KCNB2: variants seen among roughly 807,000 people sequenced by gnomAD.
KCNB2 encodes potassium voltage-gated channel subfamily B member 2, also known as delayed rectifier potassium channel protein.
A neutral mutation model predicts 61.5 loss-of-function variants in KCNB2; 15 were observed. The observed-to-expected ratio is 0.24, with a 90% CI of 0.16 to 0.38. The LOEUF (loss-of-function observed/expected upper bound fraction) is 0.38, where lower values mean the gene tolerates loss of function less well. Among genes scored for constraint, KCNB2 ranks in the 10% least tolerant of loss-of-function variants. The pLI is 1.00. For synonymous variants in KCNB2, 457 were observed against 446.0 expected (o/e 1.02, Z -0.31); for missense variants, 828 against 1,125.2 (o/e 0.74, Z 3.78).
intron 2 of KCNB2, among the ~76,000 whole-genome samples, chr8:72,665,570 GA>G (rs1283317375): frequency 8.2e-6 from 1 of 122,246 alleles, no homozygotes; most frequent in Admixed American, 8.5e-5. Flanking sequence ...GGTATTTGGG[GA>G]AAAATCTCTT....
chr8:72,593,841 G>A (rs144742214), intron 2 of KCNB2, among the ~76,000 whole-genome samples: 319 of 152,234 alleles, frequency 2.1e-3, no homozygotes, highest in South Asian at 0.014. Flanking sequence ...AATATTGAAC[G>A]AACCAGAGTC....
intron 2 of KCNB2, among the ~76,000 whole-genome samples, chr8:72,770,919 C>T (rs144164211): frequency 2.1e-4 from 32 of 152,358 alleles, no homozygotes; most frequent in African/African-American, 7.5e-4. Context: ...CATACATTAA[C>T]TTCTGGGCAA....
chr8:72,679,672 T>C (rs1020844667), intron 2 of KCNB2, among the ~76,000 whole-genome samples: 2 of 152,262 alleles, frequency 1.3e-5, no homozygotes, highest in Non-Finnish European at 2.9e-5. Flanking sequence ...ATCTATATTT[T>C]GTCCTGAATC....
rs1806968663 is a variant in KCNB2, at chr8:72,938,049, A to AG, written c.2696dup (p.Asp900ArgfsTer9). The AG allele has an allele frequency of 6.2e-7, 1 of 1,613,708 alleles. No individual in the cohort carries two copies. Among genetic ancestry groups the AG allele is most frequent in the African/African-American group, 1.3e-5 (1 of 74,948 alleles). ...TTGCCCCAGAAATTCATTCCAACCC[A>AG]GGAGACACAGGTTATTGTCCCACAC... On this transcript the variant is annotated frameshift_variant, in exon 3 of 3. Coordinates refer to ENST00000523207, the MANE Select transcript of KCNB2 (RefSeq NM_004770.3). LOFTEE classifies it high-confidence loss of function.
intron 2 of KCNB2, among the ~76,000 whole-genome samples, chr8:72,594,296 C>A (rs1422041519): frequency 6.6e-6 from 1 of 152,190 alleles, no homozygotes; most frequent in Non-Finnish European, 1.5e-5. Context: ...TTGCACCCCC[C>A]TCATCCTCCT....
At chr8:72,541,237 T>C (rs1806183756) in intron 1 of KCNB2, among the ~76,000 whole-genome samples, 2 of 151,830 alleles carry the variant, frequency 1.3e-5, no homozygotes, top group Non-Finnish European at 2.9e-5. Context: ...ATTATGATTA[T>C]AAGTAATACT....
At chr8:72,858,031 T>A (rs569468084) in intron 2 of KCNB2, among the ~76,000 whole-genome samples, 7 of 152,102 alleles carry the variant, frequency 4.6e-5, no homozygotes, top group Non-Finnish European at 7.4e-5. Context: ...TAAAATAGAG[T>A]TAGTCTCTGA....
At chr8:72,800,306 C>A (rs759032387) in intron 2 of KCNB2, among the ~76,000 whole-genome samples, 25 of 152,188 alleles carry the variant, frequency 1.6e-4, no homozygotes, top group Admixed American at 3.9e-4. Context: ...GAAAACAGTC[C>A]GATTTATTTT....
At chr8:72,635,089 G>A (rs1563544943) in intron 2 of KCNB2, among the ~76,000 whole-genome samples, 1 of 152,212 alleles carries the variant, frequency 6.6e-6, no homozygotes, top group Non-Finnish European at 1.5e-5. Flanking sequence ...TCAGGGAAGA[G>A]CTAATTCCTC....
chr8:72,708,619 G>C (rs529049034), intron 2 of KCNB2, among the ~76,000 whole-genome samples: 3 of 152,302 alleles, frequency 2.0e-5, no homozygotes, highest in South Asian at 4.1e-4. Flanking sequence ...CCCTTTAACA[G>C]TGGAAAGAGT....
intron 2 of KCNB2, among the ~76,000 whole-genome samples, chr8:72,620,072 G>C (rs1039426016): frequency 6.6e-6 from 1 of 152,182 alleles, no homozygotes; most frequent in Non-Finnish European, 1.5e-5. Context: ...TGAATATACT[G>C]TGGTGAATGA....
At chr8:72,625,061 C>T (rs530292015) in intron 2 of KCNB2, among the ~76,000 whole-genome samples, 1 of 152,308 alleles carries the variant, frequency 6.6e-6, no homozygotes, top group South Asian at 2.1e-4. Context: ...CAGCACCAAC[C>T]AACAGACACC....
intron 2 of KCNB2, among the ~76,000 whole-genome samples, chr8:72,668,348 A>G (rs930117624): frequency 1.3e-5 from 2 of 152,148 alleles, no homozygotes; most frequent in East Asian, 1.9e-4. Flanking sequence ...CCCACCATAA[A>G]TCACATTATT....
In KCNB2 at chr8:72,653,587, G is replaced by A. The variant is rs563626254; in HGVS notation, c.579+85274G>A. 9.2e-5 allele frequency among the ~76,000 whole-genome samples: 14 copies of A among 152,196 alleles called. No individual in the cohort carries two copies. The East Asian group carries it at 2.5e-3, about 27-fold the overall frequency. The stretch of plus-strand genomic sequence containing the variant: ...TGTCTTCATCTCATTATTACCTAAT[G>A]AGGAATCAGCAAACCATGTCCCACT... On this transcript the variant is annotated intron_variant, in intron 2 of 2. Transcript: ENST00000523207.
intron 2 of KCNB2, among the ~76,000 whole-genome samples, chr8:72,830,640 G>A (rs1421826546): frequency 6.6e-6 from 1 of 152,162 alleles, no homozygotes; most frequent in East Asian, 1.9e-4. Context: ...CATGGTTTAT[G>A]GAATGCTTTT....
intron 2 of KCNB2, among the ~76,000 whole-genome samples, chr8:72,605,679 C>T (rs1394338952): frequency 6.6e-6 from 1 of 151,978 alleles, no homozygotes; most frequent in Non-Finnish European, 1.5e-5. Context: ...TAATTTAGTC[C>T]CAGACCAATT....
At chr8:72,713,726 A>G (rs1563567851) in intron 2 of KCNB2, among the ~76,000 whole-genome samples, 1 of 152,176 alleles carries the variant, frequency 6.6e-6, no homozygotes, top group African/African-American at 2.4e-5. Context: ...AGAGCAGAAA[A>G]ACCAGAAACT....
chr8:72,881,999 T>C (rs1260807137), intron 2 of KCNB2, among the ~76,000 whole-genome samples: 3 of 152,192 alleles, frequency 2.0e-5, no homozygotes, highest in Non-Finnish European at 4.4e-5. Flanking sequence ...AAATGTACAG[T>C]TCCTTTTTAT....
At position 72,714,918 on chromosome 8, in the gene KCNB2, C is replaced by T. The variant is rs1807400976; in HGVS notation, c.579+146605C>T. 2.0e-5 allele frequency among the ~76,000 whole-genome samples: 3 copies of T among 152,154 alleles called. 1 individual carries two copies. The South Asian group carries it at 6.2e-4, about 32-fold the overall frequency. On this transcript the variant is annotated intron_variant, in intron 2 of 2. Coordinates refer to ENST00000523207, the MANE Select transcript of KCNB2 (RefSeq NM_004770.3). ...AGTGTGCTGTATTCAGGAAACCCAT[C>T]TCACGTGCAGAGACACACATAGGCT...
Sources: gnomAD v4.1 joint callset for allele counts (sites outside exome capture counted in the v4.1 genomes callset) on GRCh38, gnomAD v4.1.1 for gene constraint, MANE v1.5 for transcripts, NCBI Gene and HGNC (gene_info 2026-07-23, HGNC 2026-07-21) for gene names.